MDGA2: variants seen among roughly 807,000 people sequenced by gnomAD.
The protein encoded by MDGA2 is MAM domain-containing glycosylphosphatidylinositol anchor protein 2.
MDGA2 carries 40 observed loss-of-function variants against 117.8 expected under a neutral mutation model. That is an observed-to-expected ratio of 0.34 (90% CI 0.26 to 0.44). MDGA2 has a LOEUF of 0.44. MDGA2 is among the 20% of genes least tolerant of loss of function. MDGA2 has a pLI of 1.00. For synonymous variants in MDGA2, 452 were observed against 439.0 expected, an observed-to-expected ratio of 1.03 and a Z score of -0.37; for missense variants, 1,123 against 1,250.6, an observed-to-expected ratio of 0.90 and a Z score of 1.54.
chr14:47,311,275 G>C (rs187756015), intron 1 of MDGA2, among the ~76,000 whole-genome samples: 3 of 152,260 alleles, frequency 2.0e-5, no homozygotes, highest in East Asian at 3.9e-4. Context: ...TAATTAGAGA[G>C]AGACGTTATT....
chr14:47,407,844 A>C (rs1892290147), intron 1 of MDGA2, among the ~76,000 whole-genome samples: 2 of 152,164 alleles, frequency 1.3e-5, no homozygotes, highest in Admixed American at 6.5e-5. Context: ...ACATTAGTTA[A>C]ACAAAACAGG....
Position 47,603,294 on chromosome 14 carries a change from C to T in MDGA2, c.280+71223G>A, listed in dbSNP as rs193154283. The stretch of plus-strand genomic sequence containing the variant: ...CTTTCTTAGTCATTAATGAAACTAT[C>T]GGATTTCATTTGAATGCTTTATTAC... On this transcript the variant is annotated intron_variant, in intron 1 of 16. Coordinates refer to ENST00000399232, the MANE Select transcript of MDGA2 (RefSeq NM_001113498.3). Among the ~76,000 whole-genome samples, 45 of 152,280 alleles carry T rather than the reference C, an allele frequency of 3.0e-4. 1 individual carries two copies. Among genetic ancestry groups the T allele is most frequent in the African/African-American group, 1.1e-3 (45 of 41,556 alleles).
intron 1 of MDGA2, among the ~76,000 whole-genome samples, chr14:47,482,507 G>C (rs1286972782): frequency 6.6e-6 from 1 of 152,036 alleles, no homozygotes; most frequent in African/African-American, 2.4e-5. Context: ...AGCACAGAGA[G>C]CAATGGACTA....
chr14:46,930,044 T>C (rs1284969919), intron 9 of MDGA2, among the ~76,000 whole-genome samples: 3 of 152,004 alleles, frequency 2.0e-5, no homozygotes, highest in Non-Finnish European at 4.4e-5. Flanking sequence ...ATTGACCATG[T>C]CATTCCAATT....
intron 1 of MDGA2, among the ~76,000 whole-genome samples, chr14:47,477,659 G>A (rs1893871981): frequency 1.3e-5 from 2 of 152,134 alleles, no homozygotes; most frequent in African/African-American, 4.8e-5. Context: ...TTTGACCAAA[G>A]GCCCTCCAGC....
intron 8 of MDGA2, among the ~76,000 whole-genome samples, chr14:47,020,617 G>A (rs1316869374): frequency 1.3e-5 from 2 of 152,136 alleles, no homozygotes; most frequent in African/African-American, 4.8e-5. Flanking sequence ...CTGAAGCTAA[G>A]AATATTCAAA....
intron 2 of MDGA2, among the ~76,000 whole-genome samples, chr14:47,270,294 T>C (rs1435841873): frequency 6.6e-6 from 1 of 152,162 alleles, no homozygotes; most frequent in Admixed American, 6.6e-5. Context: ...CTACTGCGTG[T>C]ATGTGCAATC....
chr14:47,611,594 A>T (rs149723730), intron 1 of MDGA2, among the ~76,000 whole-genome samples: 1 of 152,310 alleles, frequency 6.6e-6, no homozygotes, highest in African/African-American at 2.4e-5. Flanking sequence ...TGGCCAACAA[A>T]CATGAGAAAA....
Position 47,244,096 on chromosome 14 carries a change from T to C in MDGA2, c.421-25901A>G, listed in dbSNP as rs528455134. ...GCTCTCTCTTGTGAGAGATTCTGCTTTTAAGGGGACAAACTTACCTGTTTT... is the reference window on the plus strand; with the variant it reads ...GCTCTCTCTTGTGAGAGATTCTGCTCTTAAGGGGACAAACTTACCTGTTTT... On this transcript the variant is annotated intron_variant, in intron 2 of 16. Transcript: ENST00000399232. Among the ~76,000 whole-genome samples, 16 of 151,928 alleles carry C rather than the reference T, an allele frequency of 1.1e-4. No homozygotes were observed. The South Asian group carries it at 3.3e-3, about 32-fold the overall frequency.
At chr14:47,095,194 T>G (rs1429920108) in intron 6 of MDGA2, among the ~76,000 whole-genome samples, 2 of 152,032 alleles carry the variant, frequency 1.3e-5, no homozygotes, top group Admixed American at 6.6e-5. Flanking sequence ...AAAATCCATC[T>G]TTATTTTTAC....
At chr14:46,935,397 T>C (rs1038309347) in intron 9 of MDGA2, among the ~76,000 whole-genome samples, 16 of 152,098 alleles carry the variant, frequency 1.1e-4, no homozygotes, top group Non-Finnish European at 1.9e-4. Context: ...AAGTATCTAG[T>C]CAATCATATA....
In MDGA2 at chr14:46,993,676, G is replaced by A. The variant is rs193037407; in HGVS notation, c.1820-36033C>T. Among the ~76,000 whole-genome samples, 132 of 152,142 alleles carry A rather than the reference G, an allele frequency of 8.7e-4. 1 individual carries two copies. Among genetic ancestry groups the A allele is most frequent in the African/African-American group, 3.1e-3 (129 of 41,522 alleles). On this transcript the variant is annotated intron_variant, in intron 8 of 16. Transcript: ENST00000399232. ...GGGTTTCACCATGTTGGCCAGGCTGGTCTTGAACTCCTGGTCTCAACCGAT... is the reference window on the plus strand; with the variant it reads ...GGGTTTCACCATGTTGGCCAGGCTGATCTTGAACTCCTGGTCTCAACCGAT...
At chr14:47,423,754 C>T (rs752047241) in intron 1 of MDGA2, among the ~76,000 whole-genome samples, 7 of 152,072 alleles carry the variant, frequency 4.6e-5, no homozygotes, top group Non-Finnish European at 1.0e-4. Context: ...AAAGATATGT[C>T]AGTGTTCTGA....
At chr14:47,501,876 T>C (rs1417104332) in intron 1 of MDGA2, among the ~76,000 whole-genome samples, 2 of 152,200 alleles carry the variant, frequency 1.3e-5, no homozygotes, top group Admixed American at 6.5e-5. Context: ...TCGTTTATAG[T>C]AGTTTTTGAT....
intron 1 of MDGA2, among the ~76,000 whole-genome samples, chr14:47,516,803 C>T (rs753739116): frequency 5.3e-5 from 8 of 152,214 alleles, no homozygotes; most frequent in Non-Finnish European, 7.4e-5. Context: ...TTTGCAGATA[C>T]GCAGGCAGAA....
At chr14:47,520,826 C>T (rs1894853962) in intron 1 of MDGA2, among the ~76,000 whole-genome samples, 1 of 152,110 alleles carries the variant, frequency 6.6e-6, no homozygotes, top group Non-Finnish European at 1.5e-5. Context: ...CTTGAATAAA[C>T]TTCACTTGAG....
At chr14:47,516,224 C>A (rs1894747868) in intron 1 of MDGA2, among the ~76,000 whole-genome samples, 1 of 152,032 alleles carries the variant, frequency 6.6e-6, no homozygotes, top group African/African-American at 2.4e-5. Flanking sequence ...TAAATTTTAC[C>A]AAGTAAAACC....
chr14:46,953,238 A>G (rs1266519318), intron 9 of MDGA2, among the ~76,000 whole-genome samples: 2 of 151,802 alleles, frequency 1.3e-5, no homozygotes, highest in African/African-American at 4.8e-5. Flanking sequence ...TTGAGAGTAC[A>G]TATTGGTGGT....
intron 1 of MDGA2, among the ~76,000 whole-genome samples, chr14:47,624,369 A>G (rs994093717): frequency 1.3e-5 from 2 of 152,182 alleles, no homozygotes; most frequent in African/African-American, 4.8e-5. Flanking sequence ...GAGGCAGGAC[A>G]ATCGTTTGAA....
Sources: allele counts gnomAD v4.1 joint callset (sites outside exome capture counted in the v4.1 genomes callset), GRCh38; gene constraint gnomAD v4.1.1; transcripts MANE v1.5; gene names NCBI Gene and HGNC (gene_info 2026-07-23, HGNC 2026-07-21).